The following THAP6 variants were observed in gnomAD, a reference collection of about 807,000 sequenced individuals.
THAP6 encodes THAP domain containing 6, also known as THAP domain-containing protein 6.
Under a neutral mutation model 20.0 loss-of-function variants are expected in THAP6, and 13 were observed. That is an observed-to-expected ratio of 0.65 (90% CI 0.42 to 1.03). The LOEUF (loss-of-function observed/expected upper bound fraction) is 1.03. Among genes scored for constraint, THAP6 ranks in the 50% least tolerant of loss-of-function variants. THAP6 has a pLI of 0.00. For synonymous variants in THAP6, 93 were observed against 92.2 expected (o/e 1.01, Z -0.05); for missense variants, 262 against 261.6 (o/e 1.00, Z -0.01).
intron 4 of THAP6, among the ~76,000 whole-genome samples, chr4:75,524,304 G>A (rs1315509342): frequency 6.6e-6 from 1 of 151,956 alleles, no homozygotes; most frequent in Non-Finnish European, 1.5e-5. Flanking sequence ...CACCATTATT[G>A]TTATTATTTT....
chr4:75,516,390 C>T (rs1185990090), intron 2 of THAP6, among the ~76,000 whole-genome samples: 1 of 152,166 alleles, frequency 6.6e-6, no homozygotes, highest in Non-Finnish European at 1.5e-5. Flanking sequence ...ACAAGGGGCC[C>T]TTTTTATCGA....
At chr4:75,519,399 A>AC (rs1725868962) in intron 3 of THAP6, among the ~76,000 whole-genome samples, 2 of 151,254 alleles carry the variant, frequency 1.3e-5, no homozygotes, top group South Asian at 4.2e-4. Flanking sequence ...ACATATGTAT[A>AC]CATGTGCCAT....
chr4:75,516,102 C>G (rs556523658), intron 2 of THAP6, among the ~76,000 whole-genome samples: 2 of 152,338 alleles, frequency 1.3e-5, no homozygotes, highest in African/African-American at 4.8e-5. Context: ...GTGCCAGGCA[C>G]TGTCCTATGT....
chr4:75,545,533 T>A (rs1448316072), intron 3 of THAP6, among the ~76,000 whole-genome samples: 1 of 152,108 alleles, frequency 6.6e-6, no homozygotes, highest in Admixed American at 6.5e-5. Flanking sequence ...AACCGCAGAA[T>A]CTTTAGATCC....
At position 75,521,692 on chromosome 4, in the gene THAP6, C is replaced by T. The variant is rs141672738; in HGVS notation, c.289-44C>T. ...GAAGGAATAAAAATTTAAGAAAGAACAAAAGTATCTCACTTGATGATTATT... is the reference window on the plus strand; with the variant it reads ...GAAGGAATAAAAATTTAAGAAAGAATAAAAGTATCTCACTTGATGATTATT... On this transcript the variant is annotated intron_variant, in intron 3 of 4. Coordinates refer to ENST00000311638, the MANE Select transcript of THAP6 (RefSeq NM_144721.6). 1.8e-4 allele frequency: 271 copies of T among 1,523,172 alleles called. 5 individuals carry two copies. The East Asian group carries it at 6.0e-3, about 34-fold the overall frequency. 94.4% of individuals were successfully genotyped at this position (1,523,172 alleles called of 1,614,324 possible).
At chr4:75,524,297 C>G (rs554988168) in intron 4 of THAP6, among the ~76,000 whole-genome samples, 1 of 152,194 alleles carries the variant, frequency 6.6e-6, no homozygotes, top group South Asian at 2.1e-4. Flanking sequence ...GACTCCACAC[C>G]ATTATTGTTA....
chr4:75,534,633 G>A (rs1726798907), downstream of THAP6, among the ~76,000 whole-genome samples: 1 of 152,078 alleles, frequency 6.6e-6, no homozygotes, highest in South Asian at 2.1e-4. Context: ...GCAACCTACA[G>A]AATGGGAGAA....
chr4:75,518,820 T>C (rs949515060), intron 3 of THAP6, among the ~76,000 whole-genome samples: 2 of 152,250 alleles, frequency 1.3e-5, no homozygotes, highest in African/African-American at 4.8e-5. Context: ...AATTGGAGTG[T>C]ACTTTCTAAA....
intron 2 of THAP6, among the ~76,000 whole-genome samples, chr4:75,542,159 ACTGT>A (rs1727023182): frequency 6.6e-6 from 1 of 152,030 alleles, no homozygotes; most frequent in Non-Finnish European, 1.5e-5. Context: ...TTAAGAAACC[ACTGT>A]CTGGGTAGGT....
At chr4:75,543,717 T>C (rs1727063872) in intron 3 of THAP6, among the ~76,000 whole-genome samples, 1 of 152,146 alleles carries the variant, frequency 6.6e-6, no homozygotes, top group Non-Finnish European at 1.5e-5. Flanking sequence ...AAGAACTGGA[T>C]AGGTACTGGG....
chr4:75,524,366 T>C (rs560643648), intron 4 of THAP6, among the ~76,000 whole-genome samples: 1 of 152,180 alleles, frequency 6.6e-6, no homozygotes, highest in Non-Finnish European at 1.5e-5. Context: ...AAGAAAAAAA[T>C]TGATATTATC....
chr4:75,531,194 G>A (rs1726668685), downstream of THAP6, among the ~76,000 whole-genome samples: 1 of 152,212 alleles, frequency 6.6e-6, no homozygotes, highest in South Asian at 2.1e-4. Context: ...GTTTCCTTCT[G>A]GGAGTCTGGA....
intron 3 of THAP6, among the ~76,000 whole-genome samples, chr4:75,545,889 C>T (rs1727117306): frequency 6.6e-6 from 1 of 152,212 alleles, no homozygotes; most frequent in Admixed American, 6.5e-5. Flanking sequence ...CTGATCCAGC[C>T]TCAGACAGAC....
chr4:75,540,362 A>C (rs1450822336), intron 2 of THAP6, among the ~76,000 whole-genome samples: 2 of 152,180 alleles, frequency 1.3e-5, no homozygotes, highest in Non-Finnish European at 2.9e-5. Context: ...TCTCATTCTG[A>C]ACCAGTCAGA....
chr4:75,527,446 G>C lies in THAP6; in HGVS notation c.*232G>C. 1 of 1,309,062 alleles carries C rather than the reference G, an allele frequency of 7.6e-7. No homozygotes were observed. Among genetic ancestry groups the C allele is most frequent in the Non-Finnish European group, 9.7e-7 (1 of 1,028,642 alleles). The allele number at this position is 1,309,062 out of a possible 1,614,324, so 81.1% of individuals were successfully genotyped here. Reference sequence around the variant, plus strand: ...GTTTTATAGACCTACACTAGTGCCAGGTCACTATTGTAAGATGTTAAAATC... The same window carrying C: ...GTTTTATAGACCTACACTAGTGCCACGTCACTATTGTAAGATGTTAAAATC... On this transcript the variant is annotated 3_prime_UTR_variant, in exon 5 of 5. Coordinates refer to ENST00000311638, the MANE Select transcript of THAP6 (RefSeq NM_144721.6).
intron 4 of THAP6, among the ~76,000 whole-genome samples, chr4:75,526,650 C>T (rs933104352): frequency 6.6e-6 from 1 of 152,196 alleles, no homozygotes; most frequent in African/African-American, 2.4e-5. Flanking sequence ...TTAAACTTAG[C>T]AGCACCACAT....
At position 75,538,252 on chromosome 4, in the gene THAP6, C is replaced by G. The variant is rs567441670; in HGVS notation, c.166-4157C>G. Among the ~76,000 whole-genome samples the G allele has an allele frequency of 2.5e-4, 38 of 152,272 alleles. No individual in the cohort carries two copies. The South Asian group carries it at 7.5e-3, about 30-fold the overall frequency. ...TGTCATATTCCTCTAGCAAGGGACT[C>G]TGGACATGCACATACAGTGCCCCAA... On this transcript the variant is annotated intron_variant, in intron 2 of 4. Coordinates refer to the THAP6 transcript ENST00000502620.
chr4:75,539,841 A>G, intron 2 of THAP6: 2 of 1,536,036 alleles, frequency 1.3e-6, no homozygotes, highest in Non-Finnish European at 8.7e-7. Context: ...TTCTTCTTTA[A>G]ATTCCATCCC....
Position 75,529,515 on chromosome 4 carries a change from A to G in THAP6, c.*2301A>G. ...TTTCTCTTTGTTCTAATAGGGAAGC[A>G]ATTACTGATAGAAATGTGAGATTAA... On this transcript the variant is annotated 3_prime_UTR_variant, in exon 5 of 5. Coordinates refer to ENST00000311638, the MANE Select transcript of THAP6 (RefSeq NM_144721.6). The G allele has an allele frequency of 1.0e-6, 1 of 985,446 alleles. No individual in the cohort carries two copies. The highest frequency in any genetic ancestry group is 1.2e-6 in the Non-Finnish European group (1 of 829,926). The allele number at this position is 985,446 out of a possible 1,614,324, so 61.0% of individuals were successfully genotyped here. A position where few individuals can be genotyped will look rare whatever the true frequency, so the allele number is the denominator to read the frequency against.
Sources: allele counts gnomAD v4.1 joint callset (sites outside exome capture counted in the v4.1 genomes callset), GRCh38; gene constraint gnomAD v4.1.1; transcripts MANE v1.5; gene names NCBI Gene and HGNC (gene_info 2026-07-23, HGNC 2026-07-21).